The following ZNF462 variants were observed in gnomAD, a reference collection of about 807,000 sequenced individuals.
ZNF462 encodes the protein zinc finger PBX1-interacting protein.
Under a neutral mutation model 201.9 loss-of-function variants are expected in ZNF462, and 10 were observed. The observed-to-expected ratio is 0.05, with a 90% CI of 0.03 to 0.08. The LOEUF (loss-of-function observed/expected upper bound fraction) is 0.08. ZNF462 is among the 10% of genes least tolerant of loss of function. ZNF462 has a pLI of 1.00. For missense variants in ZNF462, 2,523 were observed against 3,168.3 expected (o/e 0.80, Z 4.89); for synonymous variants, 1,227 against 1,193.3 (o/e 1.03, Z -0.58).
At chr9:106,942,723 T>A (rs1293987813) in intron 7 of ZNF462, among the ~76,000 whole-genome samples, 1 of 152,194 alleles carries the variant, frequency 6.6e-6, no homozygotes, top group Non-Finnish European at 1.5e-5. Flanking sequence ...GGCACAGCTG[T>A]AAAATAACAA....
Position 106,935,588 on chromosome 9 carries a change from C to A in ZNF462, c.6202C>A (p.Arg2068=). 1 of 1,613,986 alleles carries A rather than the reference C, an allele frequency of 6.2e-7. No individual in the cohort carries two copies. The highest frequency in any genetic ancestry group is 8.5e-7 in the Non-Finnish European group (1 of 1,179,970). ...LCSFKSSYNS[R]LKTHILKAHA... is the part of the protein sequence containing the mutation. ...CTCCTTCAAGTCCTCCTATAACAGC[C>A]GGCTGAAAACACATATACTCAAAGC... is the stretch of plus-strand genomic sequence containing the variant. The change falls in exon 6 of 13, where the codon CGG becomes AGG. Residue 2068 remains arginine (R), a synonymous_variant. Coordinates refer to ENST00000277225, the MANE Select transcript of ZNF462 (RefSeq NM_021224.6). This position sits in a 1 kb window ranked among gnomAD's most constrained non-coding sequence, Gnocchi z 4.1.
chr9:106,944,626 T>A (rs902575311), intron 7 of ZNF462, among the ~76,000 whole-genome samples: 21 of 152,198 alleles, frequency 1.4e-4, no homozygotes, highest in African/African-American at 5.1e-4. Flanking sequence ...TCAGTTGTTG[T>A]TTATTCTAGT....
intron 1 of ZNF462, among the ~76,000 whole-genome samples, chr9:106,881,153 C>A (rs1382899346): frequency 6.6e-6 from 1 of 152,152 alleles, no homozygotes; most frequent in East Asian, 1.9e-4. Flanking sequence ...ACTGGCTTGA[C>A]CCTGCTCCAT....
chr9:106,932,672 T>C lies in ZNF462; in HGVS notation c.6116+123T>C. ...CACTCATGGTTCACACCTGCTGCTA[T>C]GTTACCTGGAGCCTCAGTCACCTTT... On this transcript the variant is annotated intron_variant, in intron 5 of 12. Coordinates refer to ENST00000277225, the MANE Select transcript of ZNF462 (RefSeq NM_021224.6). The surrounding 1 kb of genome is among the most constrained non-coding windows in gnomAD (Gnocchi z 6.8). The C allele has an allele frequency of 1.6e-6, 2 of 1,243,258 alleles. No individual in the cohort carries two copies. The highest frequency in any genetic ancestry group is 1.5e-5 in the African/African-American group (1 of 66,854). The allele number at this position is 1,243,258 out of a possible 1,614,324, so 77.0% of individuals were successfully genotyped here.
intron 7 of ZNF462, among the ~76,000 whole-genome samples, chr9:106,969,557 G>T (rs1387956979): frequency 6.6e-6 from 1 of 152,110 alleles, no homozygotes; most frequent in Non-Finnish European, 1.5e-5. Flanking sequence ...GCATTCATCT[G>T]GCTTATCATC....
At chr9:106,912,521 C>T (rs1383506312) in intron 1 of ZNF462, among the ~76,000 whole-genome samples, 7 of 152,166 alleles carry the variant, frequency 4.6e-5, no homozygotes, top group East Asian at 1.9e-4. Flanking sequence ...TGAGAATATA[C>T]GGGGCATGGA....
rs1391984958 is a variant in ZNF462 at position 106,924,442 on chromosome 9, T to C, written c.530T>C (p.Ile177Thr). Residue 177 changes from isoleucine (I) to threonine (T), a missense_variant, in exon 3 of 13, where the codon ATA becomes ACA. Coordinates refer to ENST00000277225, the MANE Select transcript of ZNF462 (RefSeq NM_021224.6). This position sits in a 1 kb window ranked among gnomAD's most constrained non-coding sequence, Gnocchi z 6.2. ...CTYKSPRRARIIKHQKMYHKN... is the reference protein window; with the variant it reads ...CTYKSPRRARTIKHQKMYHKN... ...TACAAGTCACCAAGAAGGGCAAGAA[T>C]AATTAAGCATCAGAAGATGTATCAC... 1 of 1,614,010 alleles carries C rather than the reference T, an allele frequency of 6.2e-7. No individual in the cohort carries two copies. Among genetic ancestry groups the C allele is most frequent in the Non-Finnish European group, 8.5e-7 (1 of 1,180,030 alleles).
chr9:106,972,009 A>G lies in ZNF462; in HGVS notation c.6432A>G (p.Ser2144=). The stretch of plus-strand genomic sequence containing the variant: ...ATTTTTCCCGTCTCTTCACAGACTC[A>G]TCATATTCAGAGCCCCCAGATGTTC... ...PAEEVEDSND[S]SYSEPPDVQQ... The change falls in exon 8 of 13, where the codon TCA becomes TCG. Residue 2144 remains serine, a synonymous_variant. Transcript: ENST00000277225. The surrounding 1 kb of genome is among the most constrained non-coding windows in gnomAD (Gnocchi z 4.8). The G allele has an allele frequency of 3.1e-6, 5 of 1,613,720 alleles. 1 individual carries two copies. The highest frequency in any genetic ancestry group is 2.2e-5 in the South Asian group (2 of 91,020).
chr9:106,960,563 A>T lies in ZNF462; in HGVS notation c.6428-11442A>T, dbSNP rs78103361. Among the ~76,000 whole-genome samples the T allele has an allele frequency of 2.5e-3, 376 of 152,214 alleles. 3 individuals are homozygous for T. Among genetic ancestry groups the T allele is most frequent in the African/African-American group, 8.9e-3 (371 of 41,550 alleles). ...GCAGGAAACCTTACTTCCTCATCAC[A>T]CAATTCAAAAGAGTCACAGGTGAAT... On this transcript the variant is annotated intron_variant, in intron 7 of 12. Transcript: ENST00000277225.
Position 107,005,766 on chromosome 9 carries a change from G to A in ZNF462, c.7189+2340G>A, listed in dbSNP as rs1300034678. Reference sequence around the variant, plus strand: ...CCAAAAAATCATTGCCCAGACCAATGTCATGGAGCTTTTCCCCTTTGTTTT... The same window carrying A: ...CCAAAAAATCATTGCCCAGACCAATATCATGGAGCTTTTCCCCTTTGTTTT... On this transcript the variant is annotated intron_variant, in intron 11 of 12. Coordinates refer to ENST00000277225, the MANE Select transcript of ZNF462 (RefSeq NM_021224.6). The surrounding 1 kb of genome is among the most constrained non-coding windows in gnomAD (Gnocchi z 4.4). Among the ~76,000 whole-genome samples, 1 of 152,174 alleles carries A rather than the reference G, an allele frequency of 6.6e-6. No homozygotes were observed. The highest frequency in any genetic ancestry group is 1.5e-5 in the Non-Finnish European group (1 of 68,024).
intron 1 of ZNF462, among the ~76,000 whole-genome samples, chr9:106,874,592 C>T (rs1827745448): frequency 6.6e-6 from 1 of 152,168 alleles, no homozygotes; most frequent in Non-Finnish European, 1.5e-5. Flanking sequence ...AAGAAAACCA[C>T]ATTTTCAAAG....
intron 9 of ZNF462, among the ~76,000 whole-genome samples, chr9:106,983,444 A>G (rs1827595480): frequency 6.6e-6 from 1 of 152,188 alleles, no homozygotes; most frequent in African/African-American, 2.4e-5. Flanking sequence ...GAAAGTGTAC[A>G]GGTTTGCTTT....
intron 9 of ZNF462, among the ~76,000 whole-genome samples, chr9:106,980,497 G>A (rs966310804): frequency 1.3e-5 from 2 of 152,164 alleles, no homozygotes; most frequent in Admixed American, 1.3e-4. Context: ...GGGCTCTGCA[G>A]TGGTGTGGTT....
chr9:106,926,082 G>A lies in ZNF462; in HGVS notation c.2170G>A (p.Glu724Lys). The A allele has an allele frequency of 1.9e-6, 3 of 1,614,186 alleles. No individual in the cohort carries two copies. Among genetic ancestry groups the A allele is most frequent in the African/African-American group, 2.7e-5 (2 of 75,054 alleles). Residue 724 changes from glutamate to lysine, a missense_variant, in exon 3 of 13, where the codon GAA becomes AAA. Glu to Lys is a moderately conservative substitution (Grantham distance 56). Transcript: ENST00000277225. This position sits in a 1 kb window ranked among gnomAD's most constrained non-coding sequence, Gnocchi z 7.9. ...EDAVINVEDDEEEEEDNEVEI... is the reference protein window; with the variant it reads ...EDAVINVEDDKEEEEDNEVEI... ...TGCAGTGATCAATGTTGAGGATGATGAAGAGGAAGAGGAAGACAACGAAGT... is the reference window on the plus strand; with the variant it reads ...TGCAGTGATCAATGTTGAGGATGATAAAGAGGAAGAGGAAGACAACGAAGT...
At position 106,917,275 on chromosome 9, in the gene ZNF462, A is replaced by C. The variant is rs893169378; in HGVS notation, c.-30-6079A>C. Among the ~76,000 whole-genome samples the C allele has an allele frequency of 6.6e-6, 1 of 152,168 alleles. No individual in the cohort carries two copies. The highest frequency in any genetic ancestry group is 6.5e-5 in the Admixed American group (1 of 15,276). On this transcript the variant is annotated intron_variant, in intron 1 of 12. Coordinates refer to ENST00000277225, the MANE Select transcript of ZNF462 (RefSeq NM_021224.6). The surrounding 1 kb of genome is among the most constrained non-coding windows in gnomAD (Gnocchi z 4.5). ...CCAAAGGTATCTATTAAGAAATAGTACTCCAGCATACTCTGTAGTACTTGA... is the reference window on the plus strand; with the variant it reads ...CCAAAGGTATCTATTAAGAAATAGTCCTCCAGCATACTCTGTAGTACTTGA...
chr9:106,929,501 C>T lies in ZNF462; in HGVS notation c.5589C>T (p.Cys1863=), dbSNP rs769369378. The T allele has an allele frequency of 1.9e-6, 3 of 1,614,148 alleles. No individual in the cohort carries two copies. The highest frequency in any genetic ancestry group is 1.7e-5 in the Admixed American group (1 of 60,026). ...KLSFSTAELL[C]MHYTDHHSRD... is the part of the protein sequence containing the mutation. Reference sequence around the variant, plus strand: ...CCTTTAGCACTGCAGAGCTGCTGTGCATGCATTACACTGACCACCACAGTC... The same window carrying T: ...CCTTTAGCACTGCAGAGCTGCTGTGTATGCATTACACTGACCACCACAGTC... The change falls in exon 3 of 13, where the codon TGC becomes TGT. Residue 1863 remains cysteine (C), a synonymous_variant. Transcript: ENST00000277225. This position sits in a 1 kb window ranked among gnomAD's most constrained non-coding sequence, Gnocchi z 8.7.
intron 7 of ZNF462, among the ~76,000 whole-genome samples, chr9:106,960,569 CAA>C (rs1397018201): frequency 6.6e-6 from 1 of 152,076 alleles, no homozygotes; most frequent in Non-Finnish European, 1.5e-5. Context: ...TCACACAATT[CAA>C]AAGAGTCACA....
intron 7 of ZNF462, among the ~76,000 whole-genome samples, chr9:106,942,276 C>T (rs544819873): frequency 6.6e-5 from 10 of 152,286 alleles, no homozygotes; most frequent in African/African-American, 2.2e-4. Context: ...GAGGTTCTTT[C>T]TAAGCTGCTC....
In ZNF462 at chr9:106,977,033, G is replaced by A. The variant is rs2132125055; in HGVS notation, c.6832+2760G>A. Among the ~76,000 whole-genome samples the A allele has an allele frequency of 6.6e-6, 1 of 152,262 alleles. No individual in the cohort carries two copies. Among genetic ancestry groups the A allele is most frequent in the Non-Finnish European group, 1.5e-5 (1 of 68,026 alleles). ...AGTAGCTGTGGCGGCTGAGTTCAAAGACAGAATTATCAGAGGAGGTCAGAG... is the reference window on the plus strand; with the variant it reads ...AGTAGCTGTGGCGGCTGAGTTCAAAAACAGAATTATCAGAGGAGGTCAGAG... On this transcript the variant is annotated intron_variant, in intron 9 of 12. Transcript: ENST00000277225. This position sits in a 1 kb window ranked among gnomAD's most constrained non-coding sequence, Gnocchi z 4.6.
Sources: gnomAD v4.1 joint callset for allele counts (sites outside exome capture counted in the v4.1 genomes callset) on GRCh38, gnomAD v4.1.1 for gene constraint, Gnocchi (gnomAD v3.1) non-coding constraint, MANE v1.5 for transcripts, NCBI Gene and HGNC (gene_info 2026-07-23, HGNC 2026-07-21) for gene names.